The following PDZD11 variants were observed in gnomAD, a reference collection of about 807,000 sequenced individuals.
PDZD11 encodes PDZ domain-containing protein 11.
In PDZD11, 2 loss-of-function variants were observed where a neutral mutation model predicts 13.7. The observed-to-expected ratio is 0.15, with a 90% CI of 0.06 to 0.46. PDZD11 has a LOEUF of 0.46. PDZD11 is among the 20% of genes least tolerant of loss of function. PDZD11 has a pLI of 0.98. For synonymous variants in PDZD11, 32 were observed against 37.5 expected (o/e 0.85, Z 0.54); for missense variants, 44 against 111.7 (o/e 0.39, Z 2.73).
In PDZD11 at chrX:70,289,881, C is replaced by T. The variant is rs1333903924; in HGVS notation, c.-35G>A. On this transcript the variant is annotated 5_prime_UTR_variant, in exon 1 of 7. Transcript: ENST00000239666. ...TCACCAGTGGGCAGTCCACAGCGAC[C>T]TCAGACTCCGCTCACTGACAATTCA... 8.5e-6 allele frequency: 1 copy of T among 117,657 alleles called. No homozygotes were observed. The highest frequency in any genetic ancestry group is 3.2e-5 in the African/African-American group (1 of 30,959). The allele number at this position is 117,657 out of a possible 1,213,427, so 9.7% of individuals were successfully genotyped here. A position where few individuals can be genotyped will look rare whatever the true frequency, so the allele number is the denominator to read the frequency against.
At position 70,288,499 on chromosome X, in the gene PDZD11, C is replaced by T. The variant is rs773310462; in HGVS notation, c.102G>A (p.Pro34=). 5.8e-6 allele frequency: 7 copies of T among 1,208,258 alleles called. No individual in the cohort carries two copies. The highest frequency in any genetic ancestry group is 3.5e-5 in the South Asian group (2 of 56,717). ...WIPPHERVHH[P]DYNNELTQFL... is the part of the protein sequence containing the mutation. ...ACTGGGTCAACTCATTGTTGTAGTC[C>T]GGGTGGTGTACCCTCTGCAAGACAC... The change falls in exon 3 of 7, where the codon CCG becomes CCA. Residue 34 remains proline (P), a synonymous_variant. Transcript: ENST00000239666.
chrX:70,289,479 T>C lies in PDZD11; in HGVS notation c.-13-125A>G, dbSNP rs930814957. The C allele has an allele frequency of 8.3e-6, 9 of 1,078,534 alleles. No individual in the cohort carries two copies. The Admixed American group carries it at 1.3e-4, about 15-fold the overall frequency. The allele number at this position is 1,078,534 out of a possible 1,213,427, so 88.9% of individuals were successfully genotyped here. ...TACAGGCCCAGCCCATATCTAGGTG[T>C]TAAGGTTGGAGGAGAGAAGGAAGAC... On this transcript the variant is annotated intron_variant, in intron 1 of 6. Coordinates refer to ENST00000239666, the MANE Select transcript of PDZD11 (RefSeq NM_016484.5).
intron 1 of PDZD11, chrX:70,289,566 TAGAA>T: frequency 2.1e-6 from 1 of 486,341 alleles, no homozygotes; most frequent in Non-Finnish European, 3.2e-6. Flanking sequence ...TCAGGTACTC[TAGAA>T]AGAGGACCTC....
Position 70,287,848 on chromosome X carries a change from A to G in PDZD11, c.229-18T>C, listed in dbSNP as rs757906923. ...GGAATCACCTGTTGGTAAAGAGAGA[A>G]TACATGTGATTGGGATGCGATAATT... is the stretch of plus-strand genomic sequence containing the variant. On this transcript the variant is annotated intron_variant, in intron 4 of 6. Transcript: ENST00000239666. 3.7e-6 allele frequency: 4 copies of G among 1,085,912 alleles called. No individual in the cohort carries two copies. Among genetic ancestry groups the G allele is most frequent in the Middle Eastern group, 5.0e-4 (2 of 4,037 alleles). The allele number at this position is 1,085,912 out of a possible 1,213,427, so 89.5% of individuals were successfully genotyped here.
At chrX:70,287,145 C>A in intron 6 of PDZD11, 29 bp from the exon 7 acceptor site, 1 of 1,190,478 alleles carries the variant, frequency 8.4e-7, no homozygotes. Context: ...AAAGGAGGAA[C>A]AGAGCAGGTT....
Position 70,287,062 on chromosome X carries a change from G to A in PDZD11, c.*20C>T. The A allele has an allele frequency of 8.5e-7, 1 of 1,183,384 alleles. No individual in the cohort carries two copies. Among genetic ancestry groups the A allele is most frequent in the Non-Finnish European group, 1.1e-6 (1 of 876,405 alleles). On this transcript the variant is annotated 3_prime_UTR_variant, in exon 7 of 7. Transcript: ENST00000239666. ...CATGTCATGACAGAGTCCACATGAA[G>A]GGCTGTGGGCTGCAACTTTCTAGTG...
chrX:70,288,048 T>C, intron 4 of PDZD11, 69 bp downstream of exon 4: 1 of 936,558 alleles, frequency 1.1e-6, no homozygotes, highest in Non-Finnish European at 1.5e-6. Context: ...CTTGGGACAT[T>C]AGGGTTCTGC....
intron 1 of PDZD11, chrX:70,289,564 T>C (rs2085745058): frequency 5.9e-6 from 3 of 505,321 alleles, no homozygotes; most frequent in Non-Finnish European, 9.1e-6. Context: ...TGTCAGGTAC[T>C]CTAGAAAGAG....
chrX:70,288,328 A>G, intron 3 of PDZD11, 102 bp downstream of exon 3: 1 of 899,788 alleles, frequency 1.1e-6, no homozygotes, highest in Non-Finnish European at 1.6e-6. Flanking sequence ...CACAAGAAGG[A>G]AAGTTTCCTC....
chrX:70,289,530 A>G, intron 1 of PDZD11, 176 bp from the exon 2 acceptor site: 2 of 784,361 alleles, frequency 2.5e-6, no homozygotes, highest in Non-Finnish European at 3.5e-6. Context: ...ACTTAGCTAA[A>G]CATCTTCTGG....
chrX:70,289,407 C>T, intron 1 of PDZD11, 53 bp from the exon 2 acceptor site: 1 of 1,171,715 alleles, frequency 8.5e-7, no homozygotes, highest in Non-Finnish European at 1.1e-6. Context: ...GAGAGCAGCC[C>T]AGCAAGTTTC....
rs761328079 is a variant in PDZD11 at position 70,289,040 on chromosome X, G to A, written c.87+215C>T. The stretch of plus-strand genomic sequence containing the variant: ...TGGAAATGAAGGCTCCAAATTTCCA[G>A]AATTAACCGGTGTGAACAGACCCTA... On this transcript the variant is annotated intron_variant, in intron 2 of 6. Transcript: ENST00000239666. Among the ~76,000 whole-genome samples the A allele has an allele frequency of 3.6e-5, 4 of 111,641 alleles. No homozygotes were observed. The East Asian group carries it at 1.1e-3, about 31-fold the overall frequency.
chrX:70,289,456 C>A, intron 1 of PDZD11, 102 bp from the exon 2 acceptor site: 1 of 1,140,941 alleles, frequency 8.8e-7, no homozygotes. Context: ...AGTCAGTCTA[C>A]AGGCCCAGCC....
chrX:70,288,520 GA>G lies in PDZD11; in HGVS notation c.88-8del, dbSNP rs2085734384. On this transcript the variant is annotated splice_region_variant and splice_polypyrimidine_tract_variant and intron_variant, in intron 2 of 6. Transcript: ENST00000239666. ...AGTCCGGGTGGTGTACCCTCTGCAA[GA>G]CACAGCAACCCCAGAAATTTTACCA... 2.5e-6 allele frequency: 3 copies of G among 1,199,968 alleles called. No homozygotes were observed. Among genetic ancestry groups the G allele is most frequent in the Non-Finnish European group, 3.4e-6 (3 of 885,500 alleles).
In PDZD11 at chrX:70,288,531, C is replaced by T; in HGVS notation, c.88-18G>A. ...TGTACCCTCTGCAAGACACAGCAAC[C>T]CCAGAAATTTTACCAGTCTTACTTC... On this transcript the variant is annotated intron_variant, in intron 2 of 6. Coordinates refer to ENST00000239666, the MANE Select transcript of PDZD11 (RefSeq NM_016484.5). The T allele has an allele frequency of 8.5e-7, 1 of 1,177,451 alleles. No homozygotes were observed. Among genetic ancestry groups the T allele is most frequent in the East Asian group, 3.0e-5 (1 of 33,712 alleles).
At position 70,288,087 on chromosome X, in the gene PDZD11, C is replaced by T. The variant is rs150473301; in HGVS notation, c.228+30G>A. On this transcript the variant is annotated intron_variant, in intron 4 of 6. Transcript: ENST00000239666. Reference sequence around the variant, plus strand: ...CTGTTAATTTAACAAAGGGAAGTAACGATCCATATTGCCTACTGGGCATAA... The same window carrying T: ...CTGTTAATTTAACAAAGGGAAGTAATGATCCATATTGCCTACTGGGCATAA... The T allele has an allele frequency of 7.0e-3, 7,942 of 1,134,938 alleles. 23 individuals are homozygous for T. The highest frequency in any genetic ancestry group is 8.8e-3 in the Non-Finnish European group (7,254 of 827,774). The allele number at this position is 1,134,938 out of a possible 1,213,427, so 93.5% of individuals were successfully genotyped here. A position where few individuals can be genotyped will look rare whatever the true frequency, so the allele number is the denominator to read the frequency against.
At chrX:70,287,907 A>C (rs965238655) in intron 4 of PDZD11, 77 bp from the exon 5 acceptor site, 7 of 836,111 alleles carry the variant, frequency 8.4e-6, no homozygotes, top group Admixed American at 4.5e-5. Flanking sequence ...GGTGCTATTC[A>C]AATGTATGGT....
At chrX:70,288,941 T>C (rs898519687) in intron 2 of PDZD11, among the ~76,000 whole-genome samples, 1 of 111,494 alleles carries the variant, frequency 9.0e-6, no homozygotes, top group Non-Finnish European at 1.9e-5. Flanking sequence ...CAACCTCAGG[T>C]GATCCGCCTG....
rs145377241 is a variant in PDZD11 at position 70,289,150 on chromosome X, T to C, written c.87+105A>G. 1,286 of 630,004 alleles carry C rather than the reference T, an allele frequency of 2.0e-3. 12 individuals are homozygous for C. The African/African-American group carries it at 0.026, about 13-fold the overall frequency. 51.9% of individuals were successfully genotyped at this position (630,004 alleles called of 1,213,427 possible). On this transcript the variant is annotated intron_variant, in intron 2 of 6. Coordinates refer to ENST00000239666, the MANE Select transcript of PDZD11 (RefSeq NM_016484.5). ...GGTCCTCTGGCTACAAGTGCTAAGA[T>C]TCACTCTCCGTTTCGCCTTCTAACC...
Sources: gnomAD v4.1 joint callset for allele counts (sites outside exome capture counted in the v4.1 genomes callset) on GRCh38, gnomAD v4.1.1 for gene constraint, MANE v1.5 for transcripts, NCBI Gene and HGNC (gene_info 2026-07-23, HGNC 2026-07-21) for gene names.